The following ECI2 variants were observed in gnomAD, a reference collection of about 807,000 sequenced individuals.
ECI2 encodes enoyl-CoA delta isomerase 2.
ECI2 carries 27 observed loss-of-function variants against 38.4 expected under a neutral mutation model. The observed-to-expected ratio is 0.70, with a 90% CI of 0.52 to 0.97. ECI2 has a LOEUF of 0.97. ECI2 is among the 50% of genes least tolerant of loss of function. The pLI, the probability that ECI2 is intolerant of heterozygous loss-of-function variation, is 0.00. For synonymous variants in ECI2, 168 were observed against 172.0 expected, an observed-to-expected ratio of 0.98 and a Z score of 0.18; for missense variants, 470 against 474.4, an observed-to-expected ratio of 0.99 and a Z score of 0.09.
At chr6:4,122,023 C>A (rs1472104306) in intron 7 of ECI2, 3 of 1,600,426 alleles carry the variant, frequency 1.9e-6, no homozygotes, top group African/African-American at 2.7e-5. Flanking sequence ...AACCTGCCAA[C>A]AACAGCTAAA....
intron 2 of ECI2, among the ~76,000 whole-genome samples, chr6:4,131,248 T>G (rs9328222): frequency 0.2 from 30,969 of 151,974 alleles, 5,948 homozygotes; most frequent in African/African-American, 0.51. Context: ...CCACAGCATA[T>G]TCCAAAAGCC....
chr6:4,127,404 CTTTTT>C (rs71001567), intron 5 of ECI2, among the ~76,000 whole-genome samples: 23 of 75,888 alleles, frequency 3.0e-4, no homozygotes, highest in African/African-American at 9.8e-4. Context: ...ATCTTAGAGC[CTTTTT>C]TTTTTTTTTT....
Position 4,118,579 on chromosome 6 carries a change from T to C in ECI2, c.885+607A>G, listed in dbSNP as rs76844247. 1,035 of 152,430 alleles carry C rather than the reference T, an allele frequency of 6.8e-3. 6 individuals carry two copies. The highest frequency in any genetic ancestry group is 0.011 in the Non-Finnish European group (736 of 68,104). 9.4% of individuals were successfully genotyped at this position (152,430 alleles called of 1,614,324 possible). On this transcript the variant is annotated intron_variant, in intron 8 of 9. Coordinates refer to ENST00000380118, the MANE Select transcript of ECI2 (RefSeq NM_206836.3). Reference sequence around the variant, plus strand: ...TGGTCTTGTCACAATCCCCTTCGAGTCATGCCACAGGGCGTGGGCAACTAG... The same window carrying C: ...TGGTCTTGTCACAATCCCCTTCGAGCCATGCCACAGGGCGTGGGCAACTAG...
intron 7 of ECI2, among the ~76,000 whole-genome samples, chr6:4,122,849 A>G (rs144649480): frequency 8.5e-5 from 13 of 152,330 alleles, no homozygotes; most frequent in Middle Eastern, 3.4e-3. Context: ...GTGTGTGTGT[A>G]TGCGTATATT....
At chr6:4,124,594 G>T (rs1292033722) in intron 7 of ECI2, among the ~76,000 whole-genome samples, 1 of 152,102 alleles carries the variant, frequency 6.6e-6, no homozygotes, top group Non-Finnish European at 1.5e-5. Context: ...TAACCCAAAC[G>T]TTAGGACTGG....
intron 4 of ECI2, among the ~76,000 whole-genome samples, chr6:4,128,628 A>C (rs1275497713): frequency 1.3e-5 from 2 of 152,188 alleles, no homozygotes; most frequent in African/African-American, 2.4e-5. Context: ...CAGATCAAAA[A>C]TACCTGGAAA....
intron 1 of ECI2, 96 bp downstream of exon 1, chr6:4,135,415 A>G: frequency 1.9e-6 from 3 of 1,594,434 alleles, no homozygotes; most frequent in Non-Finnish European, 2.6e-6. Context: ...CACCTAGACA[A>G]TAGGGAAGGA....
chr6:4,121,795 G>T, intron 7 of ECI2: 1 of 323,878 alleles, frequency 3.1e-6, no homozygotes, highest in Non-Finnish European at 5.8e-6. Flanking sequence ...AGAATATTTA[G>T]ATTTCATTTC....
At chr6:4,134,915 A>G (rs774087393) in intron 1 of ECI2, among the ~76,000 whole-genome samples, 5 of 152,254 alleles carry the variant, frequency 3.3e-5, no homozygotes, top group Non-Finnish European at 7.3e-5. Flanking sequence ...AAAATCACTC[A>G]TAATTCTACC....
rs1217734967 is a variant in ECI2 at position 4,125,265 on chromosome 6, C to A, written c.780G>T (p.Val260=). 11 of 1,614,024 alleles carry A rather than the reference C, an allele frequency of 6.8e-6. No homozygotes were observed. Among genetic ancestry groups the A allele is most frequent in the Non-Finnish European group, 9.3e-6 (11 of 1,180,030 alleles). The stretch of plus-strand genomic sequence containing the variant: ...GCTGACTTACCCTGTCAGATGCATA[C>A]ACGGCATCGAATAGCCCAAGGAGGG... ...SVTLLGLFDA[V]YASDRATFHT... The change falls in exon 7 of 10, where the codon GTG becomes GTT. Residue 260 remains valine (V), a synonymous_variant. Transcript: ENST00000380118.
chr6:4,126,711 G>A (rs1200434807), intron 5 of ECI2, among the ~76,000 whole-genome samples: 4 of 152,190 alleles, frequency 2.6e-5, no homozygotes, highest in Non-Finnish European at 5.9e-5. Context: ...GGTGCAGGAT[G>A]AGGACTGGCA....
rs555642385 is a variant in ECI2, at chr6:4,130,844, T to C, written c.235A>G (p.Met79Val). Residue 79 changes from methionine (M) to valine (V), a missense_variant, in exon 3 of 10, where the codon ATG becomes GTG. Transcript: ENST00000380118. ...AAGTCAAATACACCTGGTTTGGGCA[T>C]GTTACAAGGTCCTTCAGTGGCCTGT... ...YKQATEGPCN[M>V]PKPGVFDLIN... is the part of the protein sequence containing the mutation. 8 of 1,614,230 alleles carry C rather than the reference T, an allele frequency of 5.0e-6. No individual in the cohort carries two copies. Among genetic ancestry groups the C allele is most frequent in the East Asian group, 2.2e-5 (1 of 44,882 alleles).
chr6:4,130,899 T>C (rs772224819), intron 2 of ECI2, 34 bp from the exon 3 acceptor site: 1 of 1,600,018 alleles, frequency 6.2e-7, no homozygotes, highest in Non-Finnish European at 8.5e-7. Flanking sequence ...TGTTCAAATG[T>C]CCATGTAAAC....
chr6:4,131,233 A>G (rs1181054803), intron 2 of ECI2, among the ~76,000 whole-genome samples: 1 of 152,186 alleles, frequency 6.6e-6, no homozygotes, highest in Admixed American at 6.5e-5. Context: ...CAAATACTTG[A>G]AAACCCACAG....
At chr6:4,126,601 C>T (rs1773175489) in intron 5 of ECI2, among the ~76,000 whole-genome samples, 1 of 152,120 alleles carries the variant, frequency 6.6e-6, no homozygotes, top group African/African-American at 2.4e-5. Context: ...ACAGTTTACA[C>T]AAAGGAACAG....
intron 5 of ECI2, 21 bp from the exon 6 acceptor site, chr6:4,126,258 A>G: frequency 6.3e-7 from 1 of 1,585,260 alleles, no homozygotes; most frequent in Non-Finnish European, 8.6e-7. Flanking sequence ...GAAAATCAAC[A>G]GATCCCTCAT....
chr6:4,126,873 G>C (rs1297929511), intron 5 of ECI2, among the ~76,000 whole-genome samples: 5 of 152,138 alleles, frequency 3.3e-5, no homozygotes, highest in African/African-American at 1.2e-4. Flanking sequence ...ATTTAGATGA[G>C]TTTTAATAAT....
intron 4 of ECI2, among the ~76,000 whole-genome samples, chr6:4,129,747 A>C (rs973852199): frequency 6.6e-6 from 1 of 152,166 alleles, no homozygotes. Flanking sequence ...GAGGTTATTG[A>C]CCCAATGGTC....
rs1773684837 is a variant in ECI2, at chr6:4,135,536, T to A, written c.25A>T (p.Arg9Ter). MAMAYLAW[R>*]LARRSCPSSL... ...CTCGGACACGAACGCCGCGCCAGTC[T>A]CCAAGCCAAGTACGCCATCGCCATC... Residue 9 changes from arginine to a stop codon, truncating the protein, a stop_gained, in exon 1 of 10, where the codon AGA becomes TGA. Coordinates refer to ENST00000380118, the MANE Select transcript of ECI2 (RefSeq NM_206836.3). LOFTEE classifies it high-confidence loss of function. 5 of 1,503,460 alleles carry A rather than the reference T, an allele frequency of 3.3e-6. No homozygotes were observed. In the East Asian group the frequency reaches 1.4e-4, roughly 43 times the overall value. 93.1% of individuals were successfully genotyped at this position (1,503,460 alleles called of 1,614,324 possible).
Sources: allele counts gnomAD v4.1 joint callset (sites outside exome capture counted in the v4.1 genomes callset), GRCh38; gene constraint gnomAD v4.1.1; transcripts MANE v1.5; gene names NCBI Gene and HGNC (gene_info 2026-07-23, HGNC 2026-07-21).